The following FLYWCH2 variants were observed in gnomAD, a reference collection of about 807,000 sequenced individuals.
The protein encoded by FLYWCH2 is FLYWCH family member 2.
In FLYWCH2, 2 loss-of-function variants were observed where a neutral mutation model predicts 6.0. The observed-to-expected ratio is 0.33, with a 90% CI of 0.14 to 1.04. FLYWCH2 has a LOEUF of 1.04. FLYWCH2 is among the 50% of genes least tolerant of loss of function. The pLI, the probability that FLYWCH2 is intolerant of heterozygous loss-of-function variation, is 0.45. For synonymous variants in FLYWCH2, 87 were observed against 79.3 expected (o/e 1.10, Z -0.52); for missense variants, 192 against 183.4 (o/e 1.05, Z -0.27).
At chr16:2,893,019 T>TATACAC (rs1555477291) in intron 1 of FLYWCH2, among the ~76,000 whole-genome samples, 5 of 146,040 alleles carry the variant, frequency 3.4e-5, no homozygotes, top group Non-Finnish European at 7.5e-5. Flanking sequence ...TTTATATATA[T>TATACAC]ACACACACAC....
chr16:2,891,481 T>C (rs1247855573), intron 1 of FLYWCH2, among the ~76,000 whole-genome samples: 1 of 151,984 alleles, frequency 6.6e-6, no homozygotes. Context: ...ATCGGCTCAC[T>C]GCAAGCTCCG....
chr16:2,899,034 C>T lies in FLYWCH2; in HGVS notation c.323-15C>T. 2 of 1,604,256 alleles carry T rather than the reference C, an allele frequency of 1.2e-6. No individual in the cohort carries two copies. Among genetic ancestry groups the T allele is most frequent in the Non-Finnish European group, 1.7e-6 (2 of 1,174,568 alleles). ...CTCCATTGACACCAGCCTGATCCACCCTCTTCTCTCGCAGGCACAGACAGA... is the reference window on the plus strand; with the variant it reads ...CTCCATTGACACCAGCCTGATCCACTCTCTTCTCTCGCAGGCACAGACAGA... On this transcript the variant is annotated splice_polypyrimidine_tract_variant and intron_variant, in intron 3 of 3. Coordinates refer to ENST00000396958, the MANE Select transcript of FLYWCH2 (RefSeq NM_138439.3).
intron 1 of FLYWCH2, among the ~76,000 whole-genome samples, chr16:2,887,965 C>G (rs1450997450): frequency 6.6e-6 from 1 of 151,428 alleles, no homozygotes; most frequent in Non-Finnish European, 1.5e-5. Context: ...TTTCTGGACT[C>G]TCAGTTCTAT....
At chr16:2,894,945 C>T (rs2069801535) in intron 1 of FLYWCH2, among the ~76,000 whole-genome samples, 1 of 152,126 alleles carries the variant, frequency 6.6e-6, no homozygotes, top group Non-Finnish European at 1.5e-5. Context: ...GTTGGGGAAT[C>T]GGCCCGAGGG....
intron 1 of FLYWCH2, among the ~76,000 whole-genome samples, chr16:2,887,205 G>C (rs574817841): frequency 6.6e-6 from 1 of 152,004 alleles, no homozygotes; most frequent in South Asian, 2.1e-4. Context: ...GAGTGCAGTG[G>C]TGCAATCTCG....
intron 1 of FLYWCH2, among the ~76,000 whole-genome samples, chr16:2,888,690 A>T (rs2069724833): frequency 6.6e-6 from 1 of 152,110 alleles, no homozygotes; most frequent in Non-Finnish European, 1.5e-5. Flanking sequence ...CTGTGGGCTG[A>T]CCAGCTTGAC....
intron 3 of FLYWCH2, among the ~76,000 whole-genome samples, chr16:2,898,286 A>G (rs187354368): frequency 2.6e-5 from 4 of 152,244 alleles, no homozygotes; most frequent in African/African-American, 9.6e-5. Flanking sequence ...TCTGGGACTC[A>G]GAGGGACCCC....
intron 1 of FLYWCH2, among the ~76,000 whole-genome samples, chr16:2,884,528 C>G (rs1433463112): frequency 6.5e-5 from 7 of 108,352 alleles, no homozygotes; most frequent in Admixed American, 1.2e-4. Context: ...AGAGACCATT[C>G]TGACTAACAT....
Position 2,899,209 on chromosome 16 carries a change from G to A in FLYWCH2, c.*60G>A, listed in dbSNP as rs930790377. 46 of 1,242,760 alleles carry A rather than the reference G, an allele frequency of 3.7e-5. No individual in the cohort carries two copies. Among genetic ancestry groups the A allele is most frequent in the Admixed American group, 2.0e-4 (8 of 40,082 alleles). 77.0% of individuals were successfully genotyped at this position (1,242,760 alleles called of 1,614,324 possible). A position where few individuals can be genotyped will look rare whatever the true frequency, so the allele number is the denominator to read the frequency against. ...CCCAGCCATAGGCTCTTCTCTGTCC[G>A]CAGGGCTTCTGGGGCCAAATGGGTG... is the stretch of plus-strand genomic sequence containing the variant. On this transcript the variant is annotated 3_prime_UTR_variant, in exon 4 of 4. Transcript: ENST00000396958.
chr16:2,884,679 A>G (rs1328530612), intron 1 of FLYWCH2, among the ~76,000 whole-genome samples: 1 of 151,066 alleles, frequency 6.6e-6, no homozygotes, highest in Non-Finnish European at 1.5e-5. Context: ...GTTCGAGACC[A>G]GCCTGACCAA....
chr16:2,890,391 A>G (rs1596336881), intron 1 of FLYWCH2, among the ~76,000 whole-genome samples: 1 of 146,158 alleles, frequency 6.8e-6, no homozygotes. Context: ...TGGGATTACT[A>G]GGTGCACAGC....
intron 3 of FLYWCH2, among the ~76,000 whole-genome samples, chr16:2,898,243 C>T (rs2069845116): frequency 6.6e-6 from 1 of 152,198 alleles, no homozygotes; most frequent in Non-Finnish European, 1.5e-5. Flanking sequence ...CTCCATCCCT[C>T]TGCTGGAGTC....
At position 2,899,295 on chromosome 16, in the gene FLYWCH2, A is replaced by G. The variant is rs1335862812; in HGVS notation, c.*146A>G. The G allele has an allele frequency of 9.4e-6, 5 of 529,138 alleles. No homozygotes were observed. The highest frequency in any genetic ancestry group is 4.0e-5 in the Admixed American group (1 of 24,822). 32.8% of individuals were successfully genotyped at this position (529,138 alleles called of 1,614,324 possible). On this transcript the variant is annotated 3_prime_UTR_variant, in exon 4 of 4. Coordinates refer to ENST00000396958, the MANE Select transcript of FLYWCH2 (RefSeq NM_138439.3). The stretch of plus-strand genomic sequence containing the variant: ...TTTTTTTTTTTTTTTTAGATCAAGT[A>G]TAAGTTACTTTTGTAAGCAGAAAAA...
chr16:2,888,083 A>G lies in FLYWCH2; in HGVS notation c.-200+4717A>G, dbSNP rs940610446. Among the ~76,000 whole-genome samples the G allele has an allele frequency of 2.0e-5, 3 of 152,038 alleles. No homozygotes were observed. In the South Asian group the frequency reaches 6.2e-4, roughly 32 times the overall value. ...GAGTGTAGTGGCGTGATCTCGGCTC[A>G]CTGCAACCTCCGCCTCCCGGGTTCT... is the stretch of plus-strand genomic sequence containing the variant. On this transcript the variant is annotated intron_variant, in intron 1 of 3. Coordinates refer to ENST00000396958, the MANE Select transcript of FLYWCH2 (RefSeq NM_138439.3).
intron 1 of FLYWCH2, among the ~76,000 whole-genome samples, chr16:2,892,821 C>T (rs1006995598): frequency 1.6e-4 from 24 of 149,690 alleles, no homozygotes; most frequent in Admixed American, 8.0e-4. Flanking sequence ...TCCAGCCTGG[C>T]GACAGAACCA....
chr16:2,892,946 G>A (rs984631706), intron 1 of FLYWCH2, among the ~76,000 whole-genome samples: 1 of 140,738 alleles, frequency 7.1e-6, no homozygotes, highest in African/African-American at 2.5e-5. Context: ...CATATATGTT[G>A]TATATGTGTC....
chr16:2,885,195 G>A (rs950758619), intron 1 of FLYWCH2, among the ~76,000 whole-genome samples: 4 of 152,138 alleles, frequency 2.6e-5, no homozygotes, highest in Middle Eastern at 3.4e-3. Flanking sequence ...GGTGGCAGGC[G>A]CCTGTAGTCC....
chr16:2,890,560 G>A (rs1022448171), intron 1 of FLYWCH2, among the ~76,000 whole-genome samples: 2 of 151,050 alleles, frequency 1.3e-5, no homozygotes, highest in East Asian at 1.9e-4. Flanking sequence ...GATTACAGGC[G>A]CCTGCCACCA....
At chr16:2,890,224 TTTTG>T (rs2069740382) in intron 1 of FLYWCH2, among the ~76,000 whole-genome samples, 1 of 100,694 alleles carries the variant, frequency 9.9e-6, no homozygotes, top group Admixed American at 9.6e-5. Context: ...GTTTTTTTGT[TTTTG>T]TTTTTTTTTT....
Sources: allele counts gnomAD v4.1 joint callset (sites outside exome capture counted in the v4.1 genomes callset), GRCh38; gene constraint gnomAD v4.1.1; transcripts MANE v1.5; gene names NCBI Gene and HGNC (gene_info 2026-07-23, HGNC 2026-07-21).